WDR53: variants seen among roughly 807,000 people sequenced by gnomAD.
WDR53 encodes the protein WD repeat domain 53.
A neutral mutation model predicts 21.3 loss-of-function variants in WDR53; 19 were observed. The ratio of observed to expected loss-of-function variants is 0.89; its 90% CI spans 0.62 to 1.31. The LOEUF (loss-of-function observed/expected upper bound fraction) is 1.31, where lower values mean the gene tolerates loss of function less well. Among genes scored for constraint, WDR53 ranks in the 50% most tolerant of loss-of-function variants. The pLI is 0.00. For missense variants in WDR53, 374 were observed against 423.2 expected, an observed-to-expected ratio of 0.88 and a Z score of 1.02; for synonymous variants, 157 against 163.4, an observed-to-expected ratio of 0.96 and a Z score of 0.30.
chr3:196,566,444 G>A (rs181079293), intron 2 of WDR53, among the ~76,000 whole-genome samples: 6 of 146,330 alleles, frequency 4.1e-5, no homozygotes, highest in Non-Finnish European at 8.9e-5. Context: ...ACAGAGTTTC[G>A]CTCTCGTCGC....
chr3:196,562,856 A>G (rs1735010647), intron 2 of WDR53, among the ~76,000 whole-genome samples: 2 of 152,286 alleles, frequency 1.3e-5, no homozygotes, highest in South Asian at 4.1e-4. Context: ...GTTTTGAGAC[A>G]GGGTTTTGCT....
intron 3 of WDR53, among the ~76,000 whole-genome samples, chr3:196,560,100 T>C (rs917478677): frequency 7.2e-5 from 11 of 152,212 alleles, no homozygotes; most frequent in Admixed American, 5.9e-4. Flanking sequence ...ACTTCTCTTA[T>C]GAAGACCAGC....
chr3:196,563,180 G>C (rs1735040720), intron 2 of WDR53, among the ~76,000 whole-genome samples: 2 of 152,126 alleles, frequency 1.3e-5, no homozygotes, highest in African/African-American at 4.8e-5. Flanking sequence ...GCTTGAAAAT[G>C]TACTCACATA....
At chr3:196,554,851 A>C in intron 3 of WDR53, 44 bp from the exon 4 acceptor site, 1 of 1,516,588 alleles carries the variant, frequency 6.6e-7, no homozygotes, top group East Asian at 2.3e-5. Flanking sequence ...AATGCTAGCC[A>C]ATTTGCTCAA....
At chr3:196,565,419 A>G (rs1735286487) in intron 2 of WDR53, among the ~76,000 whole-genome samples, 1 of 152,032 alleles carries the variant, frequency 6.6e-6, no homozygotes, top group Non-Finnish European at 1.5e-5. Flanking sequence ...TACTAAAAAT[A>G]CAAAAATTAG....
Position 196,564,193 on chromosome 3 carries a change from T to G in WDR53, c.-17+2684A>C, listed in dbSNP as rs58017754. 3.1e-3 allele frequency among the ~76,000 whole-genome samples: 476 copies of G among 152,152 alleles called. 20 individuals are homozygous for G. The East Asian group carries it at 0.083, about 27-fold the overall frequency. ...GTACTGAAACAGCAGCAGGTAAATA[T>G]GCCGTAACGAAGACTGTTGCCAAAA... On this transcript the variant is annotated intron_variant, in intron 2 of 3. Transcript: ENST00000332629.
rs1311245199 is a variant in WDR53 at position 196,554,480 on chromosome 3, C to T, written c.808G>A (p.Ala270Thr). The T allele has an allele frequency of 6.2e-6, 10 of 1,614,150 alleles. No individual in the cohort carries two copies. Among genetic ancestry groups the T allele is most frequent in the Non-Finnish European group, 8.5e-6 (10 of 1,180,022 alleles). Residue 270 changes from alanine to threonine, a missense_variant, in exon 4 of 4, where the codon GCA (alanine) becomes ACA (threonine). Transcript: ENST00000332629. ...GNDGKITLWD[A>T]NSEVEKKQKS... is the part of the protein sequence containing the mutation. ...TGTTTTTTCTCAACTTCACTGTTTGCATCCCACAACGTGATCTTCCCATCA... is the reference window on the plus strand; with the variant it reads ...TGTTTTTTCTCAACTTCACTGTTTGTATCCCACAACGTGATCTTCCCATCA...
intron 2 of WDR53, among the ~76,000 whole-genome samples, chr3:196,562,408 C>G (rs1217785408): frequency 1.3e-5 from 2 of 152,160 alleles, no homozygotes; most frequent in Non-Finnish European, 2.9e-5. Flanking sequence ...ATAACAGGCA[C>G]CCGGCACCAT....
intron 1 of WDR53, 193 bp downstream of exon 1, chr3:196,568,326 C>CAA (rs1293674409): frequency 6.6e-6 from 1 of 152,484 alleles, no homozygotes; most frequent in Non-Finnish European, 1.5e-5. Flanking sequence ...ACCCGGCAAG[C>CAA]AAGGAGAGAA....
intron 3 of WDR53, among the ~76,000 whole-genome samples, chr3:196,560,247 CTTTTTTT>C (rs11425350): frequency 6.9e-6 from 1 of 144,998 alleles, no homozygotes; most frequent in Non-Finnish European, 1.5e-5. Context: ...TTTCTTTTTT[CTTTTTTT>C]TTTTTTGAGA....
intron 3 of WDR53, 93 bp from the exon 4 acceptor site, chr3:196,554,900 T>C (rs2108680142): frequency 1.9e-6 from 2 of 1,069,000 alleles, no homozygotes; most frequent in East Asian, 4.7e-5. Flanking sequence ...ATCGTTAAAG[T>C]AGTCTGAGAA....
In WDR53 at chr3:196,567,301, G is replaced by A. The variant is rs1414258171; in HGVS notation, c.-441C>T. 2.2e-6 allele frequency: 1 copy of A among 453,506 alleles called. No homozygotes were observed. Among genetic ancestry groups the A allele is most frequent in the African/African-American group, 2.0e-5 (1 of 49,788 alleles). 28.1% of individuals were successfully genotyped at this position (453,506 alleles called of 1,614,324 possible). Reference sequence around the variant, plus strand: ...ACCAAAATGATTGAAGGGCTGTGGCGCTGGCACTGGTAAGAATGAAAAGAA... The same window carrying A: ...ACCAAAATGATTGAAGGGCTGTGGCACTGGCACTGGTAAGAATGAAAAGAA... On this transcript the variant is annotated 5_prime_UTR_variant, in exon 2 of 4. Coordinates refer to ENST00000332629, the MANE Select transcript of WDR53 (RefSeq NM_182627.3).
At position 196,554,501 on chromosome 3, in the gene WDR53, C is replaced by G. The variant is rs756233337; in HGVS notation, c.787G>C (p.Gly263Arg). 1.9e-6 allele frequency: 3 copies of G among 1,614,088 alleles called. No individual in the cohort carries two copies. The highest frequency in any genetic ancestry group is 2.5e-6 in the Non-Finnish European group (3 of 1,180,024). ...SYLLLTGGNDGKITLWDANSE... is the reference protein window; with the variant it reads ...SYLLLTGGNDRKITLWDANSE... Reference sequence around the variant, plus strand: ...TTTGCATCCCACAACGTGATCTTCCCATCATTCCCTCCAGTAAGCAGCAAA... The same window carrying G: ...TTTGCATCCCACAACGTGATCTTCCGATCATTCCCTCCAGTAAGCAGCAAA... The change falls in exon 4 of 4, where the codon GGG becomes CGG. Residue 263 changes from glycine to arginine, a missense_variant. By Grantham distance (125) the Gly-to-Arg change is moderately radical. Transcript: ENST00000332629.
Position 196,561,467 on chromosome 3 carries a change from G to T in WDR53, c.9C>A (p.Val3=). 3 of 1,612,340 alleles carry T rather than the reference G, an allele frequency of 1.9e-6. No homozygotes were observed. Among genetic ancestry groups the T allele is most frequent in the South Asian group, 1.1e-5 (1 of 90,920 alleles). The change falls in exon 3 of 4, where the codon GTC becomes GTA. Residue 3 remains valine (V), a synonymous_variant. Coordinates refer to ENST00000332629, the MANE Select transcript of WDR53 (RefSeq NM_182627.3). ...GAGAAGAATGCCCACCCGTCCACTT[G>T]ACTGCCATAATGGTCCCGGAGACTC... The part of the protein sequence containing the change: MA[V]KWTGGHSSPV...
chr3:196,560,364 C>G (rs564484919), intron 3 of WDR53, among the ~76,000 whole-genome samples: 1 of 152,040 alleles, frequency 6.6e-6, no homozygotes, highest in Admixed American at 6.6e-5. Flanking sequence ...GCCTCAGCCT[C>G]CCAAGTAGCT....
At chr3:196,555,502 G>A (rs1388344768) in intron 3 of WDR53, among the ~76,000 whole-genome samples, 1 of 151,996 alleles carries the variant, frequency 6.6e-6, no homozygotes, top group African/African-American at 2.4e-5. Context: ...ATTTCATTTG[G>A]CTTTTCGTTG....
chr3:196,565,753 A>G (rs538048787), intron 2 of WDR53, among the ~76,000 whole-genome samples: 9 of 152,240 alleles, frequency 5.9e-5, no homozygotes, highest in Non-Finnish European at 1.0e-4. Context: ...AACACTATGA[A>G]AAAGTTAATC....
intron 2 of WDR53, 145 bp from the exon 3 acceptor site, chr3:196,561,636 A>G: frequency 1.2e-6 from 1 of 833,640 alleles, no homozygotes; most frequent in Non-Finnish European, 1.7e-6. Context: ...AAAAAAAAAG[A>G]CACTTAAAGA....
Position 196,561,117 on chromosome 3 carries a change from A to G in WDR53, c.359T>C (p.Ile120Thr). 1 of 1,614,184 alleles carries G rather than the reference A, an allele frequency of 6.2e-7. No homozygotes were observed. The highest frequency in any genetic ancestry group is 8.5e-7 in the Non-Finnish European group (1 of 1,180,022). The change falls in exon 3 of 4, where the codon ATC (isoleucine) becomes ACC (threonine). Residue 120 changes from isoleucine (I) to threonine (T), a missense_variant. Coordinates refer to ENST00000332629, the MANE Select transcript of WDR53 (RefSeq NM_182627.3). ...ASADDSGAIK[I>T]LDLENKKVIR... Reference sequence around the variant, plus strand: ...AACTTTCTTGTTTTCCAAGTCTAGGATTTTGATTGCCCCAGAGTCGTCAGC... The same window carrying G: ...AACTTTCTTGTTTTCCAAGTCTAGGGTTTTGATTGCCCCAGAGTCGTCAGC...
Sources: gnomAD v4.1 joint callset for allele counts (sites outside exome capture counted in the v4.1 genomes callset) on GRCh38, gnomAD v4.1.1 for gene constraint, MANE v1.5 for transcripts, NCBI Gene and HGNC (gene_info 2026-07-23, HGNC 2026-07-21) for gene names.